Variants in NRBF2 observed in about 807,000 individuals in gnomAD.
NRBF2 encodes the protein nuclear receptor binding factor 2.
Under a neutral mutation model 28.5 loss-of-function variants are expected in NRBF2, and 12 were observed. The observed-to-expected ratio is 0.42, with a 90% confidence interval of 0.27 to 0.68. The LOEUF (loss-of-function observed/expected upper bound fraction) is 0.68, where lower values mean the gene tolerates loss of function less well. Among genes scored for constraint, NRBF2 ranks in the 30% least tolerant of loss-of-function variants. NRBF2 has a pLI of 0.24. For missense variants in NRBF2, 274 were observed against 333.5 expected (o/e 0.82, Z 1.39); for synonymous variants, 102 against 116.5 (o/e 0.88, Z 0.80).
In NRBF2 at chr10:63,154,093, G is replaced by A. The variant is rs371534608; in HGVS notation, c.739G>A (p.Ala247Thr). The A allele has an allele frequency of 3.2e-5, 52 of 1,613,742 alleles. No homozygotes were observed. The highest frequency in any genetic ancestry group is 2.0e-4 in the East Asian group (9 of 44,896). Residue 247 changes from alanine (A) to threonine (T), a missense_variant, in exon 4 of 4, where the codon GCA becomes ACA. Physicochemically the swap from Ala to Thr is moderately conservative, Grantham distance 58. Coordinates refer to ENST00000277746, the MANE Select transcript of NRBF2 (RefSeq NM_030759.5). ...ATASSTWQKF[A>T]ANTGKAKDIP... is the part of the protein sequence containing the mutation. ...AGCCTCCTCAACCTGGCAGAAGTTC[G>A]CAGCAAATACTGGGAAAGCCAAGGA...
chr10:63,142,606 T>TG (rs977199427), intron 1 of NRBF2, among the ~76,000 whole-genome samples: 34 of 152,252 alleles, frequency 2.2e-4, no homozygotes, highest in African/African-American at 8.2e-4. Flanking sequence ...CATAACTGCT[T>TG]GTGCATACTA....
chr10:63,149,942 ATT>A (rs60700597), intron 2 of NRBF2, among the ~76,000 whole-genome samples: 7,503 of 133,268 alleles, frequency 0.056, 350 homozygotes, highest in East Asian at 0.28. Context: ...GTCTCCACAG[ATT>A]TTTTTTTTTT....
At chr10:63,151,203 A>G (rs1434547106) in intron 2 of NRBF2, among the ~76,000 whole-genome samples, 2 of 152,244 alleles carry the variant, frequency 1.3e-5, no homozygotes, top group East Asian at 1.9e-4. Context: ...GCCTCGTAGT[A>G]TCTGCAAAAG....
chr10:63,153,492 C>A lies in NRBF2; in HGVS notation c.157-19C>A. ...ACTTAAAATATTCTTCCAATTTTAT[C>A]TTTCCTTCTATGTAATAGGCTCATC... On this transcript the variant is annotated intron_variant, in intron 3 of 3. Coordinates refer to ENST00000277746, the MANE Select transcript of NRBF2 (RefSeq NM_030759.5). The A allele has an allele frequency of 6.5e-7, 1 of 1,547,774 alleles. No individual in the cohort carries two copies. The highest frequency in any genetic ancestry group is 1.2e-5 in the South Asian group (1 of 85,264).
intron 3 of NRBF2, among the ~76,000 whole-genome samples, chr10:63,152,814 CAGTG>C (rs1841669700): frequency 6.6e-6 from 1 of 152,098 alleles, no homozygotes; most frequent in Non-Finnish European, 1.5e-5. Flanking sequence ...CTTGGCAACA[CAGTG>C]AGACCCCATC....
intron 2 of NRBF2, chr10:63,150,356 G>C: frequency 6.1e-6 from 6 of 981,796 alleles, no homozygotes; most frequent in Non-Finnish European, 7.3e-6. Context: ...ATGTAATTAT[G>C]GTAAGCATAG....
chr10:63,152,270 A>G (rs890519965), intron 3 of NRBF2, 80 bp downstream of exon 3: 2 of 1,038,886 alleles, frequency 1.9e-6, no homozygotes, highest in East Asian at 4.9e-5. Flanking sequence ...AAAGCAAAGC[A>G]TTGTGTCCCT....
chr10:63,142,784 T>TTTTTTC (rs1564529846), intron 1 of NRBF2, among the ~76,000 whole-genome samples: 1 of 107,170 alleles, frequency 9.3e-6, no homozygotes, highest in Non-Finnish European at 1.8e-5. Flanking sequence ...TTCTTTCTTT[T>TTTTTTC]TTTTTTTTTT....
intron 1 of NRBF2, among the ~76,000 whole-genome samples, chr10:63,135,708 G>A (rs1841365051): frequency 6.7e-6 from 1 of 149,732 alleles, no homozygotes; most frequent in Non-Finnish European, 1.5e-5. Context: ...GTGCAGTGGC[G>A]CGATCTCAGC....
At position 63,152,203 on chromosome 10, in the gene NRBF2, C is replaced by A. The variant is rs1841662240; in HGVS notation, c.156+13C>A. ...ACAGTCAGAGCAGGTGAGACATATT[C>A]CCAATATTTGCGACAAGGGTTAGAA... On this transcript the variant is annotated intron_variant, in intron 3 of 3. Transcript: ENST00000277746. 2 of 1,610,610 alleles carry A rather than the reference C, an allele frequency of 1.2e-6. No individual in the cohort carries two copies. The highest frequency in any genetic ancestry group is 1.7e-6 in the Non-Finnish European group (2 of 1,177,146).
At chr10:63,148,991 TA>T (rs1841606213) in intron 2 of NRBF2, among the ~76,000 whole-genome samples, 2 of 152,244 alleles carry the variant, frequency 1.3e-5, no homozygotes, top group Non-Finnish European at 1.5e-5. Context: ...AATCTTAACC[TA>T]AGCCTTTTGA....
intron 2 of NRBF2, among the ~76,000 whole-genome samples, chr10:63,148,707 T>G (rs1266927648): frequency 1.3e-5 from 2 of 152,190 alleles, no homozygotes; most frequent in Non-Finnish European, 2.9e-5. Flanking sequence ...AATAAGTTGC[T>G]TGATGTCTCT....
intron 1 of NRBF2, among the ~76,000 whole-genome samples, chr10:63,143,150 A>G (rs1841501699): frequency 1.3e-5 from 2 of 152,150 alleles, no homozygotes; most frequent in South Asian, 4.1e-4. Context: ...AAGTTTGATT[A>G]CTATTTAAAA....
At chr10:63,144,271 A>C (rs898661749) in intron 1 of NRBF2, among the ~76,000 whole-genome samples, 1 of 152,090 alleles carries the variant, frequency 6.6e-6, no homozygotes, top group African/African-American at 2.4e-5. Context: ...CCACCATTCA[A>C]CTTTCCTGTT....
At chr10:63,145,345 A>T (rs1841542590) in intron 1 of NRBF2, among the ~76,000 whole-genome samples, 1 of 152,020 alleles carries the variant, frequency 6.6e-6, no homozygotes, top group Non-Finnish European at 1.5e-5. Context: ...AAGTGTTGGG[A>T]TTACAGGCGT....
intron 3 of NRBF2, 48 bp downstream of exon 3, chr10:63,152,238 T>G (rs369448499): frequency 2.1e-6 from 3 of 1,416,150 alleles, no homozygotes; most frequent in Non-Finnish European, 3.0e-6. Flanking sequence ...AAGGTTTTCT[T>G]GTGGAGGCTT....
rs1841321233 is a variant in NRBF2, at chr10:63,133,511, C to T, written c.30+11C>T. 1 of 1,598,540 alleles carries T rather than the reference C, an allele frequency of 6.3e-7. No homozygotes were observed. Among genetic ancestry groups the T allele is most frequent in the Admixed American group, 1.7e-5 (1 of 59,714 alleles). ...GGACCCCTCAACCTGGTGAGTGTCC[C>T]ACAGAATATAGCGTTCGTCTTGGGT... On this transcript the variant is annotated intron_variant, in intron 1 of 3. Transcript: ENST00000277746.
intron 1 of NRBF2, among the ~76,000 whole-genome samples, chr10:63,135,550 G>T (rs1589015253): frequency 6.6e-6 from 1 of 151,990 alleles, no homozygotes; most frequent in East Asian, 1.9e-4. Flanking sequence ...AAAACGGAGC[G>T]AGTTTCGACA....
At chr10:63,148,323 TGA>T (rs1395534591) in intron 2 of NRBF2, among the ~76,000 whole-genome samples, 2 of 152,228 alleles carry the variant, frequency 1.3e-5, no homozygotes, top group Non-Finnish European at 2.9e-5. Flanking sequence ...CCCACTGAGT[TGA>T]TTGGGTTTCC....
Sources: gnomAD v4.1 joint callset for allele counts (sites outside exome capture counted in the v4.1 genomes callset) on GRCh38, gnomAD v4.1.1 for gene constraint, MANE v1.5 for transcripts, NCBI Gene and HGNC (gene_info 2026-07-23, HGNC 2026-07-21) for gene names.